Variants in TMEM232 observed in about 807,000 individuals in gnomAD.
TMEM232 encodes the protein transmembrane protein 232.
In TMEM232, 80 loss-of-function variants were observed where a neutral mutation model predicts 78.8. That is an observed-to-expected ratio of 1.01 (90% CI 0.85 to 1.22). TMEM232 has a LOEUF of 1.22. Among genes scored for constraint, TMEM232 ranks in the 50% most tolerant of loss-of-function variants. The pLI is 0.00. For missense variants in TMEM232, 881 were observed against 742.2 expected, an observed-to-expected ratio of 1.19 and a Z score of -2.17; for synonymous variants, 297 against 254.3, an observed-to-expected ratio of 1.17 and a Z score of -1.60.
chr5:110,506,331 G>C (rs1766897523), intron 12 of TMEM232, among the ~76,000 whole-genome samples: 2 of 152,038 alleles, frequency 1.3e-5, no homozygotes, highest in African/African-American at 2.4e-5. Context: ...GTTAAATCTA[G>C]TATTTTTAAA....
chr5:110,677,211 G>A (rs1174685686), intron 1 of TMEM232, among the ~76,000 whole-genome samples: 1 of 151,782 alleles, frequency 6.6e-6, no homozygotes, highest in Non-Finnish European at 1.5e-5. Flanking sequence ...TGTCTATACA[G>A]GTTCTATGTT....
intron 12 of TMEM232, among the ~76,000 whole-genome samples, chr5:110,434,548 A>C (rs1758206211): frequency 6.6e-6 from 1 of 152,030 alleles, no homozygotes; most frequent in Non-Finnish European, 1.5e-5. Context: ...AAACTGGTAC[A>C]AATGCCACTG....
At chr5:110,720,477 G>T (rs904002274) in intron 1 of TMEM232, 2 of 152,104 alleles carry the variant, frequency 1.3e-5, no homozygotes, top group African/African-American at 4.8e-5. Context: ...AAGCTTAGGG[G>T]AGAGGGAGTC....
chr5:110,586,542 G>C (rs372570888), intron 10 of TMEM232, among the ~76,000 whole-genome samples: 16 of 151,054 alleles, frequency 1.1e-4, no homozygotes, highest in African/African-American at 3.7e-4. Context: ...TATCAGCATA[G>C]AAGGCATATT....
At chr5:110,596,709 T>A (rs192565546) in intron 10 of TMEM232, among the ~76,000 whole-genome samples, 8 of 152,294 alleles carry the variant, frequency 5.3e-5, no homozygotes, top group Non-Finnish European at 7.3e-5. Context: ...GCTGGTTCAA[T>A]ATACGCTAAT....
intron 12 of TMEM232, among the ~76,000 whole-genome samples, chr5:110,462,233 G>C (rs1419746292): frequency 6.6e-6 from 1 of 152,176 alleles, no homozygotes; most frequent in African/African-American, 2.4e-5. Context: ...GGAAGAAGTT[G>C]ATTCCAGCCT....
intron 11 of TMEM232, among the ~76,000 whole-genome samples, chr5:110,550,477 T>G (rs992983064): frequency 2.6e-5 from 4 of 152,056 alleles, no homozygotes; most frequent in Non-Finnish European, 4.4e-5. Flanking sequence ...AAACATGAAT[T>G]TTTATGTAAA....
chr5:110,717,218 C>T (rs1032138206), intron 1 of TMEM232, among the ~76,000 whole-genome samples: 21 of 151,658 alleles, frequency 1.4e-4, no homozygotes, highest in African/African-American at 3.6e-4. Context: ...ATGTAACATC[C>T]GTGACAAAGA....
chr5:110,466,018 G>A (rs898539891), intron 12 of TMEM232, among the ~76,000 whole-genome samples: 14 of 152,010 alleles, frequency 9.2e-5, no homozygotes, highest in African/African-American at 3.4e-4. Context: ...GAAAATAGCA[G>A]ATTAAAAATA....
chr5:110,638,452 A>C (rs1161227689), intron 4 of TMEM232, 97 bp from the exon 5 acceptor site: 69 of 1,185,966 alleles, frequency 5.8e-5, no homozygotes, highest in Non-Finnish European at 7.9e-5. Flanking sequence ...TGTCATTAAG[A>C]CCAAATTGCA....
intron 1 of TMEM232, among the ~76,000 whole-genome samples, chr5:110,675,486 G>A (rs189578382): frequency 1.3e-4 from 20 of 152,196 alleles, no homozygotes; most frequent in Admixed American, 2.6e-4. Flanking sequence ...CGACAAAGAC[G>A]AAATTAAAAC....
chr5:110,589,412 G>A (rs1260258959), intron 10 of TMEM232, among the ~76,000 whole-genome samples: 1 of 152,100 alleles, frequency 6.6e-6, no homozygotes, highest in East Asian at 1.9e-4. Context: ...TAATGCTATA[G>A]GATAATGACT....
At chr5:110,521,477 A>C (rs1393812166) in intron 12 of TMEM232, among the ~76,000 whole-genome samples, 1 of 152,168 alleles carries the variant, frequency 6.6e-6, no homozygotes, top group Non-Finnish European at 1.5e-5. Context: ...GATGTAGTCT[A>C]ATTGTTTTTG....
At chr5:110,423,424 T>A (rs1756885741) in intron 13 of TMEM232, among the ~76,000 whole-genome samples, 1 of 152,012 alleles carries the variant, frequency 6.6e-6, no homozygotes, top group Admixed American at 6.6e-5. Flanking sequence ...GCTACACCCA[T>A]CTGAAAATAA....
At chr5:110,456,984 G>A (rs1045556522) in intron 12 of TMEM232, among the ~76,000 whole-genome samples, 1 of 151,950 alleles carries the variant, frequency 6.6e-6, no homozygotes, top group Non-Finnish European at 1.5e-5. Context: ...GTTACTATAC[G>A]AAAAGCATGA....
At chr5:110,494,820 T>C (rs1765472460) in intron 12 of TMEM232, among the ~76,000 whole-genome samples, 1 of 151,942 alleles carries the variant, frequency 6.6e-6, no homozygotes, top group African/African-American at 2.4e-5. Context: ...TGAACCATAA[T>C]ATTGATTAAT....
intron 12 of TMEM232, among the ~76,000 whole-genome samples, chr5:110,430,599 G>A (rs924197572): frequency 2.6e-5 from 4 of 151,602 alleles, no homozygotes; most frequent in Non-Finnish European, 4.4e-5. Flanking sequence ...CTAAAAATAT[G>A]TTTTTGTTTT....
rs1014930314 is a variant in TMEM232 at position 110,420,663 on chromosome 5, G to A, written c.1891C>T (p.Gln631Ter). Residue 631 changes from glutamine to a stop codon, truncating the protein, a stop_gained, in exon 14 of 14, where the codon CAA (glutamine) becomes TAA (stop). Coordinates refer to ENST00000455884, the MANE Select transcript of TMEM232 (RefSeq NM_001039763.4). LOFTEE classifies it high-confidence loss of function. ...DKKLAEKNHF[Q>*]EVMKKREEKL... is the part of the protein sequence containing the mutation. ...TCTTCTCTTTTCTTCATAACTTCTT[G>A]AAAGTGATTTTTCTCTGCTAACTTT... is the stretch of plus-strand genomic sequence containing the variant. 8.5e-6 allele frequency: 13 copies of A among 1,526,132 alleles called. No individual in the cohort carries two copies. In the African/African-American group the frequency reaches 1.7e-4, roughly 20 times the overall value. The allele number at this position is 1,526,132 out of a possible 1,614,324, so 94.5% of individuals were successfully genotyped here.
At chr5:110,431,562 T>C (rs1163215042) in intron 12 of TMEM232, among the ~76,000 whole-genome samples, 1 of 151,700 alleles carries the variant, frequency 6.6e-6, no homozygotes, top group Non-Finnish European at 1.5e-5. Flanking sequence ...TGATAAGGCA[T>C]ACTGGGCAAA....
Sources: gnomAD v4.1 joint callset for allele counts (sites outside exome capture counted in the v4.1 genomes callset) on GRCh38, gnomAD v4.1.1 for gene constraint, MANE v1.5 for transcripts, NCBI Gene and HGNC (gene_info 2026-07-23, HGNC 2026-07-21) for gene names.